PDXDC1: variants seen among roughly 807,000 people sequenced by gnomAD.
The protein encoded by PDXDC1 is pyridoxal dependent decarboxylase domain containing 1.
Under a neutral mutation model 100.1 loss-of-function variants are expected in PDXDC1, and 42 were observed. The ratio of observed to expected loss-of-function variants is 0.42; its 90% CI spans 0.33 to 0.54. PDXDC1 has a LOEUF of 0.54. Ranked by LOEUF, PDXDC1 falls within the 20% of genes least tolerant of loss-of-function variation. The pLI is 0.10. For missense variants in PDXDC1, 636 were observed against 979.2 expected, an observed-to-expected ratio of 0.65 and a Z score of 4.68; for synonymous variants, 260 against 371.7, an observed-to-expected ratio of 0.70 and a Z score of 3.46.
intron 16 of PDXDC1, among the ~76,000 whole-genome samples, chr16:15,074,299 A>G (rs1180936366): frequency 6.6e-6 from 1 of 152,210 alleles, no homozygotes; most frequent in Non-Finnish European, 1.5e-5. Flanking sequence ...CAAAGCCTTT[A>G]AAGTTCCATG....
At chr16:15,144,114 C>T (rs989846860), downstream of PDXDC1, among the ~76,000 whole-genome samples, 1 of 152,162 alleles carries the variant, frequency 6.6e-6, no homozygotes, top group Admixed American at 6.5e-5. Context: ...GCCGGTTCCC[C>T]TCCGCCCAGC....
At chr16:15,092,468 G>C in intron 16 of PDXDC1, 1 of 1,287,322 alleles carries the variant, frequency 7.8e-7, no homozygotes, top group African/African-American at 1.5e-5. Context: ...GTTGTATTCT[G>C]ACCTAACCAA....
intron 12 of PDXDC1, among the ~76,000 whole-genome samples, chr16:15,021,837 T>G (rs1266371519): frequency 6.6e-6 from 1 of 152,284 alleles, no homozygotes. Flanking sequence ...CTCTTCCTTC[T>G]CTTCTCCCTC....
intron 8 of PDXDC1, among the ~76,000 whole-genome samples, chr16:15,014,406 CAT>C (rs538281417): frequency 1.3e-4 from 20 of 152,376 alleles, no homozygotes; most frequent in South Asian, 6.2e-4. Context: ...TCAGCAGACA[CAT>C]GTCAAGGGTT....
chr16:15,024,738 G>A (rs1175633447), intron 13 of PDXDC1, among the ~76,000 whole-genome samples: 1 of 152,286 alleles, frequency 6.6e-6, no homozygotes, highest in African/African-American at 2.4e-5. Context: ...TCTCATGACT[G>A]GTTTCTTATC....
At chr16:14,989,578 G>C (rs1970220964) in intron 1 of PDXDC1, 1 of 1,610,946 alleles carries the variant, frequency 6.2e-7, no homozygotes, top group Admixed American at 1.7e-5. Flanking sequence ...CGGCCCCTGT[G>C]CGCCAGAAAG....
chr16:15,095,751 G>C (rs1377267192), intron 16 of PDXDC1, among the ~76,000 whole-genome samples: 1 of 151,936 alleles, frequency 6.6e-6, no homozygotes, highest in Non-Finnish European at 1.5e-5. Context: ...TTGGGAGGCC[G>C]AGGCAGGAGA....
intron 16 of PDXDC1, among the ~76,000 whole-genome samples, chr16:15,078,450 C>T (rs1567207084): frequency 6.6e-6 from 1 of 152,070 alleles, no homozygotes. Flanking sequence ...TCCCGAAATG[C>T]AGTTTCTGCG....
At position 15,013,358 on chromosome 16, in the gene PDXDC1, AG is replaced by A. The variant is rs1239869678; in HGVS notation, c.728-2770del. On this transcript the variant is annotated intron_variant, in intron 8 of 22. Coordinates refer to ENST00000396410, the MANE Select transcript of PDXDC1 (RefSeq NM_015027.4). Reference sequence around the variant, plus strand: ...AGTGAGACCCTATCTCAAAAAAAAAAGAAAAAAAAAAAAAAAGGCAAAAAAC... The same window carrying A: ...AGTGAGACCCTATCTCAAAAAAAAAAAAAAAAAAAAAAAAAGGCAAAAAAC... Among the ~76,000 whole-genome samples, 521 of 144,374 alleles carry A rather than the reference AG, an allele frequency of 3.6e-3. 25 individuals carry two copies. Among genetic ancestry groups the A allele is most frequent in the African/African-American group, 9.5e-3 (375 of 39,498 alleles). 94.7% of individuals were successfully genotyped at this position (144,374 alleles called of 152,430 possible). A position where few individuals can be genotyped will look rare whatever the true frequency, so the allele number is the denominator to read the frequency against.
chr16:15,036,200 C>T lies in PDXDC1; in HGVS notation c.2292C>T (p.Thr764=), dbSNP rs745435529. The stretch of plus-strand genomic sequence containing the variant: ...CCAGCCCTCAGCACACCGACCAGAC[C>T]GAGGCCTTCCAGAAAGGGGTCCCAC... ...GAPSPQHTDQ[T]EAFQKGVPHP... The change falls in exon 23 of 23, where the codon ACC becomes ACT. Residue 764 remains threonine, a synonymous_variant. Coordinates refer to ENST00000396410, the MANE Select transcript of PDXDC1 (RefSeq NM_015027.4). 31 of 1,613,944 alleles carry T rather than the reference C, an allele frequency of 1.9e-5. No individual in the cohort carries two copies. Among genetic ancestry groups the T allele is most frequent in the Middle Eastern group, 1.6e-4 (1 of 6,084 alleles).
chr16:15,134,031 T>A (rs1335771304), intron 16 of PDXDC1: 2 of 1,548,750 alleles, frequency 1.3e-6, no homozygotes, highest in Non-Finnish European at 1.7e-6. Flanking sequence ...GGTGGTCTCA[T>A]CCAGCACCAG....
chr16:15,063,980 GTC>G (rs1423500004), intron 16 of PDXDC1, among the ~76,000 whole-genome samples: 4 of 152,122 alleles, frequency 2.6e-5, no homozygotes, highest in Non-Finnish European at 5.9e-5. Context: ...TGAAAAGTAA[GTC>G]TAGGAAAAAC....
At chr16:14,977,155 C>T (rs1393364057) in intron 1 of PDXDC1, among the ~76,000 whole-genome samples, 2 of 152,260 alleles carry the variant, frequency 1.3e-5, no homozygotes, top group Middle Eastern at 3.4e-3. Context: ...AATATTGGAG[C>T]ATTCACAAAA....
In PDXDC1 at chr16:15,089,582, C is replaced by T. The variant is rs77808777; in HGVS notation, c.1400-49297C>T. On this transcript the variant is annotated intron_variant, in intron 16 of 16. Transcript: ENST00000535621. ...TTGGGAGGCCAAGGCGGGCGGATCACGAGGTCAGAAGATCGAGACCATCCT... is the reference window on the plus strand; with the variant it reads ...TTGGGAGGCCAAGGCGGGCGGATCATGAGGTCAGAAGATCGAGACCATCCT... Among the ~76,000 whole-genome samples, 206 of 151,422 alleles carry T rather than the reference C, an allele frequency of 1.4e-3. 1 individual carries two copies. Among genetic ancestry groups the T allele is most frequent in the Non-Finnish European group, 2.0e-3 (137 of 67,794 alleles).
intron 16 of PDXDC1, among the ~76,000 whole-genome samples, chr16:15,057,508 C>G (rs1039674159): frequency 2.0e-5 from 3 of 152,198 alleles, no homozygotes; most frequent in Admixed American, 6.5e-5. Flanking sequence ...GCAGTGCTCT[C>G]CATCACTATA....
rs139470131 is a variant in PDXDC1 at position 15,111,079 on chromosome 16, G to T, written c.1400-27800G>T. On this transcript the variant is annotated intron_variant, in intron 16 of 16. Transcript: ENST00000535621. ...GGAGGCGGAGGTTGCAGTGAGCGGA[G>T]ATCACACCACTGCACTCCAGCCTGA... Among the ~76,000 whole-genome samples, 342 of 149,022 alleles carry T rather than the reference G, an allele frequency of 2.3e-3. 19 individuals are homozygous for T. In the East Asian group the frequency reaches 0.056, roughly 24 times the overall value.
chr16:15,038,050 A>T lies in PDXDC1; in HGVS notation c.*1775A>T. 2 of 1,612,316 alleles carry T rather than the reference A, an allele frequency of 1.2e-6. No individual in the cohort carries two copies. The highest frequency in any genetic ancestry group is 1.7e-6 in the Non-Finnish European group (2 of 1,179,300). ...TGTTTTTTAACTTCCTGGAGAAGAG[A>T]TCTTTTCCCACAAGCCATCTTCATT... On this transcript the variant is annotated 3_prime_UTR_variant, in exon 23 of 23. Transcript: ENST00000396410.
intron 16 of PDXDC1, among the ~76,000 whole-genome samples, chr16:15,111,756 C>CAAAAAA (rs1202549941): frequency 1.7e-5 from 1 of 58,608 alleles, no homozygotes; most frequent in Non-Finnish European, 3.0e-5. Flanking sequence ...GACTCCGTCT[C>CAAAAAA]AAAAAAAAAA....
At chr16:15,075,314 A>G (rs1428945030) in intron 16 of PDXDC1, among the ~76,000 whole-genome samples, 2 of 151,552 alleles carry the variant, frequency 1.3e-5, no homozygotes, top group South Asian at 2.1e-4. Flanking sequence ...GCTCACGCCT[A>G]TAATTACCAA....
Sources: allele counts gnomAD v4.1 joint callset (sites outside exome capture counted in the v4.1 genomes callset), GRCh38; gene constraint gnomAD v4.1.1; transcripts MANE v1.5; gene names NCBI Gene and HGNC (gene_info 2026-07-23, HGNC 2026-07-21).